The following ITPR1 variants were observed in gnomAD, a reference collection of about 807,000 sequenced individuals.
ITPR1 encodes the protein inositol 1,4,5-trisphosphate-gated calcium channel ITPR1.
A neutral mutation model predicts 318.4 loss-of-function variants in ITPR1; 96 were observed. The observed-to-expected ratio is 0.30, with a 90% CI of 0.26 to 0.36. The LOEUF is 0.36. Among genes scored for constraint, ITPR1 ranks in the 10% least tolerant of loss-of-function variants. The pLI is 1.00. For missense variants in ITPR1, 2,440 were observed against 3,460.2 expected (o/e 0.71, Z 7.40); for synonymous variants, 1,312 against 1,289.9 (o/e 1.02, Z -0.37).
intron 44 of ITPR1, among the ~76,000 whole-genome samples, chr3:4,751,763 C>G (rs193227420): frequency 3.8e-4 from 58 of 152,292 alleles, no homozygotes; most frequent in Admixed American, 3.8e-3. Flanking sequence ...AATCTTCCAG[C>G]AGAGTTAACT....
intron 15 of ITPR1, 55 bp from the exon 16 acceptor site, chr3:4,663,010 T>A (rs1434799039): frequency 1.3e-6 from 2 of 1,550,002 alleles, no homozygotes; most frequent in African/African-American, 1.4e-5. Context: ...AGGCAAAGCT[T>A]CCAGCCTGCT....
At chr3:4,672,210 G>A (rs1300501135) in intron 20 of ITPR1, among the ~76,000 whole-genome samples, 1 of 152,150 alleles carries the variant, frequency 6.6e-6, no homozygotes, top group Non-Finnish European at 1.5e-5. Context: ...CATATTTTAA[G>A]CTTTACTAAG....
chr3:4,673,326 G>A lies in ITPR1; in HGVS notation c.2395G>A (p.Val799Ile). Reference protein sequence around the residue: ...MHVDRDPQEQVTPVKYARLWS... With the variant: ...MHVDRDPQEQITPVKYARLWS... ...TGTGGACCGAGATCCCCAGGAACAA[G>A]TCACCCCCGTGAAATATGCCCGCCT... is the stretch of plus-strand genomic sequence containing the variant. The change falls in exon 21 of 62, where the codon GTC becomes ATC. Residue 799 changes from valine to isoleucine, a missense_variant. By Grantham distance (29) the Val-to-Ile change is conservative (BLOSUM62 3). Around this residue, in one of 23 missense-constraint regions of ITPR1, gnomAD observed 478 missense variants for 696.3 expected, o/e 0.69. Transcript: ENST00000649015. The A allele has an allele frequency of 6.2e-7, 1 of 1,613,544 alleles. No homozygotes were observed. The highest frequency in any genetic ancestry group is 1.1e-5 in the South Asian group (1 of 91,062).
At chr3:4,705,641 C>G (rs2094741295) in intron 36 of ITPR1, among the ~76,000 whole-genome samples, 1 of 152,144 alleles carries the variant, frequency 6.6e-6, no homozygotes, top group Non-Finnish European at 1.5e-5. Context: ...TGATGTTTGT[C>G]TCATGCTTAG....
intron 4 of ITPR1, among the ~76,000 whole-genome samples, chr3:4,581,042 G>A (rs888577304): frequency 5.3e-5 from 8 of 152,106 alleles, no homozygotes; most frequent in African/African-American, 1.4e-4. Flanking sequence ...AACCTGTCCC[G>A]ACTCCTCCAC....
At chr3:4,711,989 A>G (rs975557772) in intron 39 of ITPR1, 121 bp downstream of exon 39, 7 of 525,996 alleles carry the variant, frequency 1.3e-5, no homozygotes, top group African/African-American at 1.2e-4. Context: ...TTTAAAAGAA[A>G]GAAAGAAAGA....
chr3:4,599,163 T>C (rs2091080698), intron 4 of ITPR1, among the ~76,000 whole-genome samples: 1 of 152,204 alleles, frequency 6.6e-6, no homozygotes, highest in African/African-American at 2.4e-5. Context: ...ATGGGGATCC[T>C]TTATTGTTAG....
intron 60 of ITPR1, among the ~76,000 whole-genome samples, chr3:4,833,622 T>C (rs1429921830): frequency 2.0e-5 from 3 of 152,164 alleles, no homozygotes; most frequent in African/African-American, 7.2e-5. Context: ...TTTCACAGAG[T>C]TCCTGCTTCC....
chr3:4,515,142 C>G (rs888364341), intron 2 of ITPR1, among the ~76,000 whole-genome samples: 2 of 152,176 alleles, frequency 1.3e-5, no homozygotes, highest in Non-Finnish European at 2.9e-5. Context: ...GATGACAAAT[C>G]AGCTTTTCCC....
chr3:4,670,226 T>C (rs991884638), intron 19 of ITPR1, among the ~76,000 whole-genome samples: 1 of 152,188 alleles, frequency 6.6e-6, no homozygotes, highest in African/African-American at 2.4e-5. Context: ...AAGGAGCAGT[T>C]TTCCTGAGAA....
At chr3:4,567,123 G>A (rs563277081) in intron 4 of ITPR1, among the ~76,000 whole-genome samples, 1 of 152,300 alleles carries the variant, frequency 6.6e-6, no homozygotes, top group Admixed American at 6.5e-5. Context: ...AGTTAAACAA[G>A]TTGATATGTG....
intron 54 of ITPR1, among the ~76,000 whole-genome samples, chr3:4,801,589 C>T (rs566299656): frequency 1.1e-4 from 17 of 152,088 alleles, no homozygotes; most frequent in Non-Finnish European, 1.9e-4. Context: ...CATGGCAGAA[C>T]CCTATCTCTA....
At chr3:4,637,234 G>C (rs1287305464) in intron 5 of ITPR1, among the ~76,000 whole-genome samples, 1 of 152,086 alleles carries the variant, frequency 6.6e-6, no homozygotes, top group Non-Finnish European at 1.5e-5. Flanking sequence ...TCCCCCTCTT[G>C]AGTTTGCAGT....
intron 4 of ITPR1, among the ~76,000 whole-genome samples, chr3:4,528,419 T>A (rs2083152754): frequency 6.6e-6 from 1 of 152,170 alleles, no homozygotes; most frequent in South Asian, 2.1e-4. Flanking sequence ...ACAAAGGTCA[T>A]CTAGGGTGGC....
intron 30 of ITPR1, among the ~76,000 whole-genome samples, chr3:4,686,135 C>T (rs1338897918): frequency 6.6e-6 from 1 of 152,148 alleles, no homozygotes; most frequent in African/African-American, 2.4e-5. Flanking sequence ...GAGAGAGCTG[C>T]AGCGGGAGAG....
chr3:4,632,675 C>T (rs749483584), intron 5 of ITPR1, among the ~76,000 whole-genome samples: 6 of 152,162 alleles, frequency 3.9e-5, no homozygotes, highest in African/African-American at 9.7e-5. Flanking sequence ...TCTTCAGCCC[C>T]ATTTGCAACC....
intron 55 of ITPR1, among the ~76,000 whole-genome samples, chr3:4,808,104 A>G (rs2106481455): frequency 6.6e-6 from 1 of 152,306 alleles, no homozygotes; most frequent in East Asian, 1.9e-4. Flanking sequence ...CAGGGCACAT[A>G]ATGGTGAGAG....
chr3:4,729,941 T>C (rs916188855), intron 42 of ITPR1, among the ~76,000 whole-genome samples: 3 of 139,182 alleles, frequency 2.2e-5, no homozygotes, highest in Non-Finnish European at 3.2e-5. Flanking sequence ...TTTTTTTTTT[T>C]CCTTCTCTGC....
Position 4,813,581 on chromosome 3 carries a change from G to A in ITPR1, c.7561+347G>A, listed in dbSNP as rs763779744. Among the ~76,000 whole-genome samples, 75 of 152,146 alleles carry A rather than the reference G, an allele frequency of 4.9e-4. 1 individual carries two copies. The highest frequency in any genetic ancestry group is 2.2e-3 in the Admixed American group (33 of 15,276). The stretch of plus-strand genomic sequence containing the variant: ...ATGGAATACAGAAGTTAGGCACCCG[G>A]CCTACTACTGGGCTAAGCGTATCAT... On this transcript the variant is annotated intron_variant, in intron 57 of 61. Coordinates refer to ENST00000649015, the MANE Select transcript of ITPR1 (RefSeq NM_001378452.1).
Sources: gnomAD v4.1 joint callset for allele counts (sites outside exome capture counted in the v4.1 genomes callset) on GRCh38, gnomAD v4.1.1 for gene constraint, gnomAD v4.1.1 regional missense constraint, MANE v1.5 for transcripts, NCBI Gene and HGNC (gene_info 2026-07-23, HGNC 2026-07-21) for gene names.